Variants in RFC5 observed in about 807,000 individuals in gnomAD.
The protein encoded by RFC5 is A1 36 kDa subunit.
A neutral mutation model predicts 44.3 loss-of-function variants in RFC5; 26 were observed. The observed-to-expected ratio is 0.59, with a 90% CI of 0.43 to 0.81. The LOEUF is 0.81. RFC5 is among the 40% of genes least tolerant of loss of function. The pLI is 0.00. For synonymous variants in RFC5, 155 were observed against 155.2 expected (o/e 1.00, Z 0.01); for missense variants, 328 against 418.6 (o/e 0.78, Z 1.89).
At chr12:118,016,926 G>C (rs779934161) in intron 1 of RFC5, 34 bp downstream of exon 1, 5 of 1,589,726 alleles carry the variant, frequency 3.1e-6, no homozygotes, top group Non-Finnish European at 3.4e-6. Flanking sequence ...GGTGGGCAGA[G>C]GGGGCCAGGC....
downstream of RFC5, chr12:118,034,483 T>C (rs895752633): frequency 4.3e-6 from 5 of 1,162,958 alleles, no homozygotes; most frequent in African/African-American, 3.1e-5. Context: ...AATGTAACCC[T>C]GACTGTGGAA....
chr12:118,036,822 T>C (rs1195960606), downstream of RFC5, among the ~76,000 whole-genome samples: 1 of 152,200 alleles, frequency 6.6e-6, no homozygotes, highest in Non-Finnish European at 1.5e-5. Context: ...GAGTCCTGTT[T>C]GCCAATAGGG....
intron 8 of RFC5, 94 bp downstream of exon 8, chr12:118,027,112 T>C (rs187116295): frequency 7.6e-7 from 1 of 1,317,212 alleles, no homozygotes; most frequent in East Asian, 2.3e-5. Flanking sequence ...TGGCAAAGGA[T>C]GACTGGCTGC....
At chr12:118,017,005 TC>T in intron 1 of RFC5, 113 bp downstream of exon 1, 1 of 836,210 alleles carries the variant, frequency 1.2e-6, no homozygotes, top group Non-Finnish European at 2.0e-6. Flanking sequence ...TCCCGTCGTC[TC>T]CAGGCCTGCA....
At chr12:118,036,047 C>T (rs375723736), downstream of RFC5, 15 of 204,646 alleles carry the variant, frequency 7.3e-5, no homozygotes, top group East Asian at 3.7e-4. Context: ...AATAAAAATA[C>T]AAAAATTAGC....
At chr12:118,036,540 G>A (rs757515142), downstream of RFC5, 1 of 1,591,004 alleles carries the variant, frequency 6.3e-7, no homozygotes, top group Non-Finnish European at 8.6e-7. Flanking sequence ...CCTGGTTAGG[G>A]CAGAAGCAAA....
the RFC5 span, among the ~76,000 whole-genome samples, chr12:118,041,173 C>A: frequency 1.4e-4 from 22 of 152,304 alleles, no homozygotes; most frequent in African/African-American, 4.8e-4. Context: ...ATGTGCCCCC[C>A]ACACATAAAG....
downstream of RFC5, chr12:118,034,546 A>G (rs2031455141): frequency 1.5e-6 from 1 of 648,462 alleles, no homozygotes; most frequent in African/African-American, 1.8e-5. Context: ...AGGATTAGAA[A>G]AACTCAAGAC....
intron 10 of RFC5, among the ~76,000 whole-genome samples, chr12:118,030,773 G>A (rs2031263092): frequency 6.6e-6 from 1 of 152,092 alleles, no homozygotes. Flanking sequence ...TGAGGAGCTG[G>A]GATTACAGGC....
the RFC5 span, among the ~76,000 whole-genome samples, chr12:118,039,503 A>G: frequency 2.0e-5 from 3 of 152,208 alleles, no homozygotes; most frequent in Admixed American, 6.5e-5. Context: ...GTGTGTGCAC[A>G]GGATTATACA....
In RFC5 at chr12:118,031,164, G is replaced by C. The variant is rs780874175; in HGVS notation, c.927-18G>C. On this transcript the variant is annotated intron_variant, in intron 10 of 10. Transcript: ENST00000454402. ...TGTTTGGTGTCTTTTTTCTTACCCTGTGTTTGGTTTCTGTTAGGTACAGGC... is the reference window on the plus strand; with the variant it reads ...TGTTTGGTGTCTTTTTTCTTACCCTCTGTTTGGTTTCTGTTAGGTACAGGC... 3 of 1,583,600 alleles carry C rather than the reference G, an allele frequency of 1.9e-6. No individual in the cohort carries two copies. The highest frequency in any genetic ancestry group is 2.6e-6 in the Non-Finnish European group (3 of 1,154,854).
the RFC5 span, among the ~76,000 whole-genome samples, chr12:118,040,336 A>G: frequency 6.6e-6 from 1 of 152,074 alleles, no homozygotes; most frequent in Non-Finnish European, 1.5e-5. Flanking sequence ...GGCCTACTCC[A>G]TCCCGCCCAC....
downstream of RFC5, among the ~76,000 whole-genome samples, chr12:118,037,066 C>T (rs2031528152): frequency 6.6e-6 from 1 of 152,074 alleles, no homozygotes; most frequent in African/African-American, 2.4e-5. Flanking sequence ...CCTGTAAGCC[C>T]AGCTATTTGG....
chr12:118,034,004 G>A (rs141381417), downstream of RFC5: 217 of 727,410 alleles, frequency 3.0e-4, no homozygotes, highest in East Asian at 5.8e-3. Context: ...CTTCCTCTAA[G>A]ACTGACTTTC....
rs749146675 is a variant in RFC5, at chr12:118,022,338, G to A, written c.400G>A (p.Ala134Thr). The stretch of plus-strand genomic sequence containing the variant: ...TGAAGCAGACGCCATGACTCAGGAC[G>A]CCCAGAATGCCTTGAGAAGAGGTAA... The part of the protein sequence containing the change: ...LDEADAMTQD[A>T]QNALRRVIEK... The change falls in exon 5 of 11, where the codon GCC (alanine) becomes ACC (threonine). Residue 134 changes from alanine (A) to threonine (T), a missense_variant. Ala to Thr is a moderately conservative substitution (Grantham distance 58, BLOSUM62 0). Coordinates refer to ENST00000454402, the MANE Select transcript of RFC5 (RefSeq NM_007370.7). 10 of 1,613,564 alleles carry A rather than the reference G, an allele frequency of 6.2e-6. No individual in the cohort carries two copies. The South Asian group carries it at 6.6e-5, about 11-fold the overall frequency.
At chr12:118,036,563 C>CA (rs1204317674), downstream of RFC5, 38 of 1,532,150 alleles carry the variant, frequency 2.5e-5, 1 homozygote, top group Admixed American at 7.8e-5. Flanking sequence ...GCTTAGGACT[C>CA]AAACGGAGGG....
chr12:118,036,287 T>A, downstream of RFC5: 1 of 1,579,924 alleles, frequency 6.3e-7, no homozygotes. Context: ...CCCAGGCAGG[T>A]TCCTCATCAG....
At chr12:118,017,675 A>ATTT in intron 1 of RFC5, 13 of 791,752 alleles carry the variant, frequency 1.6e-5, no homozygotes, top group East Asian at 7.2e-5. Context: ...GTATTTACGT[A>ATTT]TTTTTTTTTT....
chr12:118,029,328 A>G (rs4767652), intron 9 of RFC5, among the ~76,000 whole-genome samples: 15,484 of 152,200 alleles, frequency 0.1, 1,253 homozygotes, highest in East Asian at 0.4. Flanking sequence ...TTGAGGTGGA[A>G]GATCCCTCAA....
Sources: gnomAD v4.1 joint callset for allele counts (sites outside exome capture counted in the v4.1 genomes callset) on GRCh38, gnomAD v4.1.1 for gene constraint, MANE v1.5 for transcripts, NCBI Gene and HGNC (gene_info 2026-07-23, HGNC 2026-07-21) for gene names.